MACROD2: variants seen among roughly 807,000 people sequenced by gnomAD.
The protein encoded by MACROD2 is mono-ADP ribosylhydrolase 2, also known as ADP-ribose glycohydrolase MACROD2.
In MACROD2, 36 loss-of-function variants were observed where a neutral mutation model predicts 70.4. That is an observed-to-expected ratio of 0.51 (90% CI 0.39 to 0.68). The LOEUF is 0.68. MACROD2 is among the 30% of genes least tolerant of loss of function. The pLI, the probability that MACROD2 is intolerant of heterozygous loss-of-function variation, is 0.00. For missense variants in MACROD2, 496 were observed against 538.4 expected (o/e 0.92, Z 0.78); for synonymous variants, 172 against 178.8 (o/e 0.96, Z 0.30).
In MACROD2 at chr20:15,462,697, A is replaced by G. The variant is rs184911051; in HGVS notation, c.571+31262A>G. Among the ~76,000 whole-genome samples, 793 of 152,306 alleles carry G rather than the reference A, an allele frequency of 5.2e-3. 2 individuals carry two copies. Among genetic ancestry groups the G allele is most frequent in the Non-Finnish European group, 8.2e-3 (556 of 68,022 alleles). ...TTTTGATTTAGCTTCAGGTTTGGTA[A>G]AAAAGGAGAACAGTATTTACTGAAT... On this transcript the variant is annotated intron_variant, in intron 7 of 17. Coordinates refer to ENST00000684519, the MANE Select transcript of MACROD2 (RefSeq NM_001351661.2).
At chr20:15,538,935 G>A (rs928475548) in intron 8 of MACROD2, among the ~76,000 whole-genome samples, 25 of 151,546 alleles carry the variant, frequency 1.6e-4, no homozygotes, top group Non-Finnish European at 4.4e-5. Flanking sequence ...ATATTTTAGG[G>A]CATGCAATTA....
In MACROD2 at chr20:14,464,291, A is replaced by T. The variant is rs980581549; in HGVS notation, c.272-29188A>T. On this transcript the variant is annotated intron_variant, in intron 3 of 17. Transcript: ENST00000684519. Reference sequence around the variant, plus strand: ...GGTGTATGTGTCGAGGAATTTATCCATTTCTTCTAGATTTTCTAGTTTATT... The same window carrying T: ...GGTGTATGTGTCGAGGAATTTATCCTTTTCTTCTAGATTTTCTAGTTTATT... 2.0e-4 allele frequency among the ~76,000 whole-genome samples: 31 copies of T among 151,866 alleles called. 1 individual carries two copies. The highest frequency in any genetic ancestry group is 7.5e-4 in the African/African-American group (31 of 41,252).
intron 5 of MACROD2, among the ~76,000 whole-genome samples, chr20:15,222,785 C>A (rs1270796787): frequency 6.6e-6 from 1 of 152,208 alleles, no homozygotes; most frequent in African/African-American, 2.4e-5. Context: ...TATCTGTGCT[C>A]TCTCATTTGT....
chr20:15,092,140 A>G (rs1036813184), intron 5 of MACROD2, among the ~76,000 whole-genome samples: 17 of 152,110 alleles, frequency 1.1e-4, no homozygotes, highest in African/African-American at 4.1e-4. Flanking sequence ...TTCTTCACCA[A>G]TGTGAAAGCT....
chr20:15,726,973 C>T (rs1327764730), intron 8 of MACROD2, among the ~76,000 whole-genome samples: 2 of 152,042 alleles, frequency 1.3e-5, no homozygotes, highest in African/African-American at 2.4e-5. Flanking sequence ...GTTGCAATTG[C>T]TTTTGGCATC....
chr20:14,783,801 A>G (rs6042917), intron 5 of MACROD2, among the ~76,000 whole-genome samples: 101,917 of 151,974 alleles, frequency 0.67, 34,627 homozygotes, highest in African/African-American at 0.73. Flanking sequence ...AATCCAACTA[A>G]GGAACTCTGG....
chr20:14,775,770 G>GA (rs1300423567), intron 5 of MACROD2, among the ~76,000 whole-genome samples: 3 of 151,866 alleles, frequency 2.0e-5, no homozygotes, highest in African/African-American at 7.2e-5. Context: ...CTTGCCACTA[G>GA]AAAAAACCCT....
chr20:14,954,933 TTTAA>T (rs2074515555), intron 5 of MACROD2, among the ~76,000 whole-genome samples: 1 of 106,738 alleles, frequency 9.4e-6, no homozygotes, highest in Non-Finnish European at 1.7e-5. Context: ...ATATTATATA[TTTAA>T]TTATATAAGT....
intron 4 of MACROD2, among the ~76,000 whole-genome samples, chr20:14,664,314 G>A (rs1041121686): frequency 2.0e-5 from 3 of 151,990 alleles, no homozygotes; most frequent in East Asian, 1.9e-4. Context: ...CAAGACCCAC[G>A]TTTCGGTAAG....
chr20:14,374,961 G>C (rs2083358470), intron 3 of MACROD2, among the ~76,000 whole-genome samples: 1 of 152,114 alleles, frequency 6.6e-6, no homozygotes, highest in Non-Finnish European at 1.5e-5. Flanking sequence ...TCTCACATTA[G>C]AGAGCAGGTA....
At chr20:16,034,704 T>C (rs1294605532) in intron 15 of MACROD2, among the ~76,000 whole-genome samples, 1 of 151,896 alleles carries the variant, frequency 6.6e-6, no homozygotes, top group Non-Finnish European at 1.5e-5. Context: ...CAGGTGATAT[T>C]TGGTTACATG....
intron 7 of MACROD2, among the ~76,000 whole-genome samples, chr20:15,470,400 T>G (rs1306493080): frequency 6.6e-6 from 1 of 152,184 alleles, no homozygotes; most frequent in Non-Finnish European, 1.5e-5. Flanking sequence ...TCTTGGATGT[T>G]TGTTTCACCT....
At chr20:15,694,214 C>T (rs141196432) in intron 8 of MACROD2, among the ~76,000 whole-genome samples, 1 of 152,144 alleles carries the variant, frequency 6.6e-6, no homozygotes, top group African/African-American at 2.4e-5. Context: ...GACTTATTTT[C>T]CTCTGGGTAG....
chr20:15,668,546 C>T (rs139266547), intron 8 of MACROD2, among the ~76,000 whole-genome samples: 2,726 of 150,800 alleles, frequency 0.018, 34 homozygotes, highest in African/African-American at 0.027. Context: ...CCAGCCTGGG[C>T]GACAGAGTGA....
At chr20:14,032,839 A>G (rs1383254313) in intron 2 of MACROD2, among the ~76,000 whole-genome samples, 1 of 152,152 alleles carries the variant, frequency 6.6e-6, no homozygotes, top group African/African-American at 2.4e-5. Context: ...GTACACCTCA[A>G]GAGATTATTG....
chr20:14,589,974 T>C (rs1201099346), intron 4 of MACROD2, among the ~76,000 whole-genome samples: 1 of 152,196 alleles, frequency 6.6e-6, no homozygotes, highest in Non-Finnish European at 1.5e-5. Context: ...TGAAGTGTTA[T>C]ATTGAGCCAT....
intron 4 of MACROD2, among the ~76,000 whole-genome samples, chr20:14,593,271 A>T (rs1981903098): frequency 6.6e-6 from 1 of 152,242 alleles, no homozygotes; most frequent in Non-Finnish European, 1.5e-5. Flanking sequence ...TAAAAGGCAG[A>T]TGTTTTTAAG....
intron 6 of MACROD2, among the ~76,000 whole-genome samples, chr20:15,340,416 G>A (rs541284676): frequency 2.6e-5 from 4 of 151,988 alleles, no homozygotes; most frequent in South Asian, 2.1e-4. Context: ...GATTACAGGC[G>A]TGGACCACTG....
At chr20:14,065,908 G>A (rs1156569906) in intron 2 of MACROD2, among the ~76,000 whole-genome samples, 3 of 152,220 alleles carry the variant, frequency 2.0e-5, no homozygotes, top group Non-Finnish European at 4.4e-5. Context: ...TACGTGAGTC[G>A]TCATTGTGGA....
Sources: allele counts gnomAD v4.1 joint callset (sites outside exome capture counted in the v4.1 genomes callset), GRCh38; gene constraint gnomAD v4.1.1; transcripts MANE v1.5; gene names NCBI Gene and HGNC (gene_info 2026-07-23, HGNC 2026-07-21).